Variants in MBLAC2 observed in about 807,000 individuals in gnomAD.
MBLAC2 encodes the protein acyl-coenzyme A thioesterase MBLAC2.
In MBLAC2, 24 loss-of-function variants were observed where a neutral mutation model predicts 23.3. That is an observed-to-expected ratio of 1.03 (90% CI 0.75 to 1.45). MBLAC2 has a LOEUF of 1.45. Among genes scored for constraint, MBLAC2 ranks in the 40% most tolerant of loss-of-function variants. The probability of loss-of-function intolerance (pLI) is 0.00; values close to 1 mark genes in which losing one functional copy is unlikely to be tolerated. For synonymous variants in MBLAC2, 162 were observed against 150.9 expected (o/e 1.07, Z -0.54); for missense variants, 358 against 370.0 (o/e 0.97, Z 0.27).
At chr5:90,468,264 C>G (rs902374286) in intron 1 of MBLAC2, among the ~76,000 whole-genome samples, 2 of 152,092 alleles carry the variant, frequency 1.3e-5, no homozygotes, top group Non-Finnish European at 2.9e-5. Context: ...GTAAGTTTTC[C>G]TCGATTATTC....
Position 90,461,203 on chromosome 5 carries a change from T to C in MBLAC2, c.804A>G (p.Leu268=). 4 of 1,612,400 alleles carry C rather than the reference T, an allele frequency of 2.5e-6. No homozygotes were observed. The highest frequency in any genetic ancestry group is 3.4e-6 in the Non-Finnish European group (4 of 1,179,310). Residue 268 remains leucine (L), a synonymous_variant, in exon 2 of 2, where the codon TTA becomes TTG. Coordinates refer to ENST00000316610, the MANE Select transcript of MBLAC2 (RefSeq NM_203406.2). The part of the protein sequence containing the change: ...STFAMRSLAS[L]ALRVTNSRTS... ...TCCTAGAATTTGTTACACGTAGAGC[T>C]AAACTTGCAAGAGATCGCATGGCAA... is the stretch of plus-strand genomic sequence containing the variant.
chr5:90,472,781 G>A (rs905343290), intron 1 of MBLAC2: 2 of 152,042 alleles, frequency 1.3e-5, no homozygotes, highest in African/African-American at 2.4e-5. Flanking sequence ...TATTTATGAG[G>A]CAGGATTTAT....
In MBLAC2 at chr5:90,458,837, A is replaced by G. The variant is rs897726436; in HGVS notation, c.*2330T>C. 6 of 152,402 alleles carry G rather than the reference A, an allele frequency of 3.9e-5. No individual in the cohort carries two copies. The highest frequency in any genetic ancestry group is 1.4e-4 in the African/African-American group (6 of 41,466). 9.4% of individuals were successfully genotyped at this position (152,402 alleles called of 1,614,324 possible). A position where few individuals can be genotyped will look rare whatever the true frequency, so the allele number is the denominator to read the frequency against. On this transcript the variant is annotated 3_prime_UTR_variant, in exon 2 of 2. Transcript: ENST00000316610. ...AGCATGGGCACTCAATAAATGATAT[A>G]CTTTACCTTATTTATTCACATTGAA... is the stretch of plus-strand genomic sequence containing the variant.
chr5:90,473,022 G>T (rs1049289838), intron 1 of MBLAC2: 3 of 152,178 alleles, frequency 2.0e-5, no homozygotes, highest in African/African-American at 7.2e-5. Flanking sequence ...AGGGAGAATG[G>T]GCTGAGGCCC....
At chr5:90,470,403 G>C (rs1580182611) in intron 1 of MBLAC2, among the ~76,000 whole-genome samples, 1 of 152,234 alleles carries the variant, frequency 6.6e-6, no homozygotes, top group South Asian at 2.1e-4. Flanking sequence ...TAAATAACCT[G>C]ATCTGATCAT....
intron 1 of MBLAC2, among the ~76,000 whole-genome samples, chr5:90,469,341 T>G (rs1750506374): frequency 6.6e-6 from 1 of 152,210 alleles, no homozygotes; most frequent in African/African-American, 2.4e-5. Flanking sequence ...TTTTCCAAAC[T>G]GGTCCTCCTA....
Position 90,473,985 on chromosome 5 carries a change from G to T in MBLAC2, c.308C>A (p.Ala103Asp). The T allele has an allele frequency of 6.3e-7, 1 of 1,598,888 alleles. No homozygotes were observed. The highest frequency in any genetic ancestry group is 8.5e-7 in the Non-Finnish European group (1 of 1,173,822). ...YQFDRVAVHHAEAEALARGDN... is the reference protein window; with the variant it reads ...YQFDRVAVHHDEAEALARGDN... The stretch of plus-strand genomic sequence containing the variant: ...CCCGCGAGCCAGCGCCTCGGCCTCG[G>T]CGTGGTGCACTGCCACGCGGTCGAA... Residue 103 changes from alanine to aspartate, a missense_variant, in exon 1 of 2, where the codon GCC (alanine) becomes GAC (aspartate). By Grantham distance (126) the Ala-to-Asp change is moderately radical. Transcript: ENST00000316610.
chr5:90,463,845 A>G (rs928372754), intron 1 of MBLAC2, among the ~76,000 whole-genome samples: 1 of 152,168 alleles, frequency 6.6e-6, no homozygotes, highest in African/African-American at 2.4e-5. Flanking sequence ...CTTTAGCTAG[A>G]CAAATCAAGA....
At chr5:90,470,421 T>C (rs146338293) in intron 1 of MBLAC2, among the ~76,000 whole-genome samples, 1 of 152,256 alleles carries the variant, frequency 6.6e-6, no homozygotes, top group Non-Finnish European at 1.5e-5. Flanking sequence ...CATTACATTG[T>C]ATGCGTTTAT....
At chr5:90,467,164 G>A (rs1019693546) in intron 1 of MBLAC2, among the ~76,000 whole-genome samples, 2 of 152,130 alleles carry the variant, frequency 1.3e-5, no homozygotes, top group Admixed American at 1.3e-4. Flanking sequence ...TAGTTGTTGG[G>A]TAGAATGTTC....
rs185766327 is a variant in MBLAC2, at chr5:90,461,068, G to A, written c.*99C>T. 73 of 935,200 alleles carry A rather than the reference G, an allele frequency of 7.8e-5. No homozygotes were observed. In the African/African-American group the frequency reaches 1.1e-3, roughly 14 times the overall value. The allele number at this position is 935,200 out of a possible 1,614,324, so 57.9% of individuals were successfully genotyped here. On this transcript the variant is annotated 3_prime_UTR_variant, in exon 2 of 2. Coordinates refer to ENST00000316610, the MANE Select transcript of MBLAC2 (RefSeq NM_203406.2). ...AATCTTTCTCTGATATATAATAGTGGTATAAAAGCACTTCATGAAATGCTC... is the reference window on the plus strand; with the variant it reads ...AATCTTTCTCTGATATATAATAGTGATATAAAAGCACTTCATGAAATGCTC...
intron 1 of MBLAC2, among the ~76,000 whole-genome samples, chr5:90,466,690 C>T (rs1750452686): frequency 6.6e-6 from 1 of 152,032 alleles, no homozygotes; most frequent in African/African-American, 2.4e-5. Flanking sequence ...TTTTAATATA[C>T]CATTTAATAA....
Position 90,474,333 on chromosome 5 carries a change from G to T in MBLAC2, c.-41C>A. The T allele has an allele frequency of 2.6e-6, 4 of 1,568,502 alleles. No homozygotes were observed. The highest frequency in any genetic ancestry group is 1.7e-4 in the Middle Eastern group (1 of 5,938). Reference sequence around the variant, plus strand: ...AGCCAGGCGGGGTGAGTGTGGGCGTGCGAGTCTCCCACAGGCTGTCCACAC... The same window carrying T: ...AGCCAGGCGGGGTGAGTGTGGGCGTTCGAGTCTCCCACAGGCTGTCCACAC... On this transcript the variant is annotated 5_prime_UTR_variant, in exon 1 of 2. Coordinates refer to ENST00000316610, the MANE Select transcript of MBLAC2 (RefSeq NM_203406.2).
intron 1 of MBLAC2, among the ~76,000 whole-genome samples, chr5:90,468,362 G>A (rs1017925647): frequency 1.4e-4 from 22 of 151,922 alleles, no homozygotes; most frequent in African/African-American, 5.1e-4. Context: ...ACGTAGCCCC[G>A]GACTTCTTGG....
chr5:90,462,531 A>C (rs1750383375), intron 1 of MBLAC2, among the ~76,000 whole-genome samples: 1 of 152,192 alleles, frequency 6.6e-6, no homozygotes. Context: ...CCAAAGACAC[A>C]AATAGGTTGA....
intron 1 of MBLAC2, among the ~76,000 whole-genome samples, chr5:90,466,481 C>CAA (rs1182962015): frequency 2.0e-5 from 3 of 152,144 alleles, no homozygotes; most frequent in African/African-American, 4.8e-5. Flanking sequence ...ACACAACAAT[C>CAA]ATAAAACACG....
chr5:90,461,240 T>C lies in MBLAC2; in HGVS notation c.767A>G (p.Lys256Arg), dbSNP rs1183426501. The C allele has an allele frequency of 6.2e-7, 1 of 1,614,044 alleles. No individual in the cohort carries two copies. The highest frequency in any genetic ancestry group is 8.5e-7 in the Non-Finnish European group (1 of 1,179,966). Residue 256 changes from lysine to arginine, a missense_variant, in exon 2 of 2, where the codon AAA becomes AGA. Physicochemically the swap from Lys to Arg is conservative, Grantham distance 26. Coordinates refer to ENST00000316610, the MANE Select transcript of MBLAC2 (RefSeq NM_203406.2). ...NYISKAGICHKVSTFAMRSLA... is the reference protein window; with the variant it reads ...NYISKAGICHRVSTFAMRSLA... ...AGATCGCATGGCAAAAGTAGAAACT[T>C]TGTGACATATCCCAGCTTTTGAAAT...
At chr5:90,466,491 G>A (rs1750448864) in intron 1 of MBLAC2, among the ~76,000 whole-genome samples, 1 of 152,174 alleles carries the variant, frequency 6.6e-6, no homozygotes, top group Non-Finnish European at 1.5e-5. Flanking sequence ...CATAAAACAC[G>A]AGACAAAAAT....
chr5:90,469,060 GA>G (rs1750501443), intron 1 of MBLAC2, among the ~76,000 whole-genome samples: 1 of 151,998 alleles, frequency 6.6e-6, no homozygotes, highest in Non-Finnish European at 1.5e-5. Context: ...AAACCCAGGA[GA>G]AAAAAAGAAA....
Sources: allele counts gnomAD v4.1 joint callset (sites outside exome capture counted in the v4.1 genomes callset), GRCh38; gene constraint gnomAD v4.1.1; transcripts MANE v1.5; gene names NCBI Gene and HGNC (gene_info 2026-07-23, HGNC 2026-07-21).